Variants in GRIN2A observed in about 807,000 individuals in gnomAD.
GRIN2A encodes glutamate receptor ionotropic, NMDA 2A.
In GRIN2A, 22 loss-of-function variants were observed where a neutral mutation model predicts 113.4. That is an observed-to-expected ratio of 0.19 (90% CI 0.14 to 0.28). The LOEUF is 0.28. Ranked by LOEUF, GRIN2A falls within the 10% of genes least tolerant of loss-of-function variation. The pLI is 1.00. For missense variants in GRIN2A, 1,502 were observed against 1,887.0 expected (o/e 0.80, Z 3.78); for synonymous variants, 827 against 738.4 (o/e 1.12, Z -1.94).
upstream of GRIN2A, chr16:10,182,735 C>A (rs1440801896): frequency 2.0e-5 from 3 of 152,454 alleles, no homozygotes; most frequent in Admixed American, 6.5e-5. Flanking sequence ...CGATTCTCAG[C>A]GCTCACCCGG....
chr16:10,116,116 A>T (rs962881205), intron 2 of GRIN2A, among the ~76,000 whole-genome samples: 2 of 152,238 alleles, frequency 1.3e-5, no homozygotes, highest in Non-Finnish European at 2.9e-5. Context: ...TGGTACATAC[A>T]TATTATGGAA....
chr16:9,822,396 G>A lies in GRIN2A; in HGVS notation c.2036C>T (p.Pro679Leu). 6.2e-7 allele frequency: 1 copy of A among 1,612,412 alleles called. No homozygotes were observed. Among genetic ancestry groups the A allele is most frequent in the Non-Finnish European group, 8.5e-7 (1 of 1,178,520 alleles). The change falls in exon 10 of 13, where the codon CCT (proline) becomes CTT (leucine). Residue 679 changes from proline to leucine, a missense_variant. Transcript: ENST00000330684. ...ATTAGGCACTGTCCCAAATCGAAAAGGTGGGGAATAGTCATGAGGTCTCTG... is the reference window on the plus strand; with the variant it reads ...ATTAGGCACTGTCCCAAATCGAAAAAGTGGGGAATAGTCATGAGGTCTCTG... Reference protein sequence around the residue: ...KFQRPHDYSPPFRFGTVPNGS... With the variant: ...KFQRPHDYSPLFRFGTVPNGS...
At chr16:10,131,181 G>A (rs1282385294) in intron 2 of GRIN2A, among the ~76,000 whole-genome samples, 1 of 152,220 alleles carries the variant, frequency 6.6e-6, no homozygotes, top group Non-Finnish European at 1.5e-5. Context: ...CAGCTTGCAT[G>A]CTGTGGGTGA....
At chr16:9,789,553 T>TACACACAC (rs71157785) in intron 11 of GRIN2A, among the ~76,000 whole-genome samples, 6 of 149,502 alleles carry the variant, frequency 4.0e-5, no homozygotes, top group Admixed American at 2.7e-4. Flanking sequence ...GAAACATACA[T>TACACACAC]ACACACACAC....
intron 2 of GRIN2A, among the ~76,000 whole-genome samples, chr16:10,144,939 A>G (rs1348050178): frequency 3.3e-5 from 5 of 150,030 alleles, no homozygotes; most frequent in African/African-American, 1.2e-4. Flanking sequence ...AAAAAAAAAA[A>G]AGAGAGATGA....
chr16:10,175,074 T>A (rs1479151347), intron 2 of GRIN2A, among the ~76,000 whole-genome samples: 1 of 152,240 alleles, frequency 6.6e-6, no homozygotes, highest in Non-Finnish European at 1.5e-5. Flanking sequence ...TAGTATAGCA[T>A]TCATACAGTA....
At chr16:9,808,908 C>T (rs1320141157) in intron 10 of GRIN2A, among the ~76,000 whole-genome samples, 1 of 151,790 alleles carries the variant, frequency 6.6e-6, no homozygotes, top group Non-Finnish European at 1.5e-5. Context: ...GCCCTCATCC[C>T]ACCCCCCCAA....
At chr16:10,176,186 G>T (rs1053241946) in intron 2 of GRIN2A, among the ~76,000 whole-genome samples, 6 of 151,650 alleles carry the variant, frequency 4.0e-5, no homozygotes, top group Non-Finnish European at 8.8e-5. Flanking sequence ...TTGTATTTTT[G>T]TAGAGATGGG....
rs373558363 is a variant in GRIN2A at position 9,795,232 on chromosome 16, C to T, written c.2356+3045G>A. Among the ~76,000 whole-genome samples, 6 of 152,154 alleles carry T rather than the reference C, an allele frequency of 3.9e-5. No homozygotes were observed. In the East Asian group the frequency reaches 1.2e-3, roughly 29 times the overall value. On this transcript the variant is annotated intron_variant, in intron 11 of 12. Transcript: ENST00000330684. ...AGATCATAAAGACCATGCTGAGAGA[C>T]AAAACAGGTTGCAGTAAAGAAGCTG...
intron 2 of GRIN2A, among the ~76,000 whole-genome samples, chr16:10,043,096 C>T (rs552960286): frequency 1.3e-5 from 2 of 152,196 alleles, no homozygotes; most frequent in African/African-American, 4.8e-5. Flanking sequence ...ATTCAAGGAG[C>T]TACTTGTAAT....
chr16:10,066,148 G>C (rs181388144), intron 2 of GRIN2A, among the ~76,000 whole-genome samples: 13 of 152,328 alleles, frequency 8.5e-5, no homozygotes, highest in Non-Finnish European at 1.3e-4. Flanking sequence ...CATCACGGCA[G>C]AATTTCATAT....
At chr16:9,889,863 T>C (rs955787649) in intron 4 of GRIN2A, among the ~76,000 whole-genome samples, 7 of 152,234 alleles carry the variant, frequency 4.6e-5, no homozygotes, top group Non-Finnish European at 8.8e-5. Flanking sequence ...TTTTGTTTTA[T>C]GCTCCAGAAT....
chr16:9,971,782 C>T (rs947608388), intron 2 of GRIN2A, among the ~76,000 whole-genome samples: 1 of 151,890 alleles, frequency 6.6e-6, no homozygotes, highest in African/African-American at 2.4e-5. Context: ...TTCCCTCCCA[C>T]ACCCAAACAG....
intron 2 of GRIN2A, among the ~76,000 whole-genome samples, chr16:10,153,965 C>T (rs1170989299): frequency 6.6e-6 from 1 of 152,208 alleles, no homozygotes; most frequent in East Asian, 1.9e-4. Flanking sequence ...CCCCTCCTTT[C>T]TGCATTAAGG....
rs1596551936 is a variant in GRIN2A at position 10,146,387 on chromosome 16, G to A, written c.414+33611C>T. The stretch of plus-strand genomic sequence containing the variant: ...CCCACCTCGGCCTCCCACAGTGCAT[G>A]AGCCACCACGCCCAGCCCATTCAAC... On this transcript the variant is annotated intron_variant, in intron 2 of 12. Transcript: ENST00000330684. 2.6e-5 allele frequency among the ~76,000 whole-genome samples: 4 copies of A among 152,142 alleles called. No homozygotes were observed. The South Asian group carries it at 6.2e-4, about 24-fold the overall frequency.
intron 3 of GRIN2A, among the ~76,000 whole-genome samples, chr16:9,896,808 T>C (rs945441968): frequency 6.6e-6 from 1 of 152,338 alleles, no homozygotes; most frequent in East Asian, 1.9e-4. Flanking sequence ...CATATTTCCA[T>C]GGGCTTTCTT....
chr16:9,912,028 G>A (rs548812603), intron 3 of GRIN2A, among the ~76,000 whole-genome samples: 1 of 152,300 alleles, frequency 6.6e-6, no homozygotes, highest in African/African-American at 2.4e-5. Flanking sequence ...GATTAAATGA[G>A]TTAGTACCTG....
At chr16:9,968,246 C>G (rs1567206416) in intron 2 of GRIN2A, among the ~76,000 whole-genome samples, 1 of 152,030 alleles carries the variant, frequency 6.6e-6, no homozygotes, top group African/African-American at 2.4e-5. Context: ...TCTATCATTT[C>G]TTTGCCTCTA....
At chr16:10,112,540 C>T (rs2048638375) in intron 2 of GRIN2A, 1 of 793,276 alleles carries the variant, frequency 1.3e-6, no homozygotes. Flanking sequence ...TGATGGGCTC[C>T]CTGCTGGCCA....
Sources: gnomAD v4.1 joint callset for allele counts (sites outside exome capture counted in the v4.1 genomes callset) on GRCh38, gnomAD v4.1.1 for gene constraint, MANE v1.5 for transcripts, NCBI Gene and HGNC (gene_info 2026-07-23, HGNC 2026-07-21) for gene names.